Variants in CEP112 observed in about 807,000 individuals in gnomAD.
CEP112 encodes centrosomal protein of 112 kDa.
Under a neutral mutation model 153.0 loss-of-function variants are expected in CEP112, and 127 were observed. That is an observed-to-expected ratio of 0.83 (90% CI 0.72 to 0.96). The LOEUF (loss-of-function observed/expected upper bound fraction) is 0.96, where lower values mean the gene tolerates loss of function less well. Ranked by LOEUF, CEP112 falls within the 40% of genes least tolerant of loss-of-function variation. CEP112 has a pLI of 0.00. For synonymous variants in CEP112, 358 were observed against 374.4 expected (o/e 0.96, Z 0.51); for missense variants, 1,089 against 1,101.2 (o/e 0.99, Z 0.16).
At chr17:65,989,114 A>T (rs773586538) in intron 17 of CEP112, among the ~76,000 whole-genome samples, 1 of 151,796 alleles carries the variant, frequency 6.6e-6, no homozygotes, top group Non-Finnish European at 1.5e-5. Context: ...GGGCACCTGT[A>T]GTCCCAGCTA....
At chr17:66,081,785 C>A (rs775027872) in intron 8 of CEP112, among the ~76,000 whole-genome samples, 1 of 151,968 alleles carries the variant, frequency 6.6e-6, no homozygotes, top group Non-Finnish European at 1.5e-5. Context: ...CATGGTGGCA[C>A]GCATCTGTAG....
At chr17:66,187,201 C>T (rs1055560850) in intron 1 of CEP112, among the ~76,000 whole-genome samples, 2 of 152,034 alleles carry the variant, frequency 1.3e-5, no homozygotes, top group African/African-American at 4.8e-5. Context: ...TCAGTTTTCT[C>T]TACTTGAGTC....
intron 21 of CEP112, among the ~76,000 whole-genome samples, chr17:65,788,051 T>C (rs144115042): frequency 6.6e-6 from 1 of 152,334 alleles, no homozygotes; most frequent in African/African-American, 2.4e-5. Flanking sequence ...GCTCTAAGTT[T>C]TTGATTAATA....
intron 6 of CEP112, among the ~76,000 whole-genome samples, chr17:66,107,802 A>C (rs1598364702): frequency 6.6e-6 from 1 of 152,100 alleles, no homozygotes; most frequent in African/African-American, 2.4e-5. Context: ...TAATACTAAC[A>C]TTTATATGGA....
At chr17:65,714,725 T>C (rs1464138179) in intron 23 of CEP112, among the ~76,000 whole-genome samples, 1 of 152,144 alleles carries the variant, frequency 6.6e-6, no homozygotes. Flanking sequence ...GTCTGAAAAA[T>C]TAAGCAATCC....
intron 21 of CEP112, among the ~76,000 whole-genome samples, chr17:65,828,390 T>C (rs1264666883): frequency 1.3e-5 from 2 of 152,224 alleles, no homozygotes; most frequent in Non-Finnish European, 2.9e-5. Context: ...CCTCATCTTT[T>C]TCCTCTCTTC....
At chr17:66,105,317 T>C (rs1441711592) in intron 6 of CEP112, among the ~76,000 whole-genome samples, 1 of 151,922 alleles carries the variant, frequency 6.6e-6, no homozygotes, top group Middle Eastern at 3.2e-3. Flanking sequence ...AATTAAAACA[T>C]ACCACGTGAG....
intron 4 of CEP112, among the ~76,000 whole-genome samples, chr17:66,168,535 G>A (rs189653413): frequency 1.4e-3 from 204 of 148,300 alleles, no homozygotes; most frequent in Admixed American, 3.2e-3. Context: ...ATGTATATAT[G>A]TGTGTGTGTG....
At chr17:65,821,530 A>C (rs1397431291) in intron 21 of CEP112, among the ~76,000 whole-genome samples, 1 of 24,608 alleles carries the variant, frequency 4.1e-5, no homozygotes, top group African/African-American at 1.5e-4. Flanking sequence ...ATATATATAT[A>C]TATATATATA....
Position 66,022,347 on chromosome 17 carries a change from A to G in CEP112, c.1656+5154T>C, listed in dbSNP as rs2065030362. Among the ~76,000 whole-genome samples, 6 of 152,318 alleles carry G rather than the reference A, an allele frequency of 3.9e-5. No homozygotes were observed. The South Asian group carries it at 1.2e-3, about 32-fold the overall frequency. On this transcript the variant is annotated intron_variant, in intron 16 of 26. Transcript: ENST00000535342. ...TACCAGAAGTATGAAAAAGCAGGGT[A>G]GTATAGCACCCACAAAGGAACACAG...
intron 21 of CEP112, among the ~76,000 whole-genome samples, chr17:65,847,069 G>A (rs182202785): frequency 7.6e-4 from 116 of 152,242 alleles, no homozygotes; most frequent in East Asian, 5.8e-4. Context: ...TCTGAGGTTG[G>A]TGAATTCCAC....
intron 6 of CEP112, among the ~76,000 whole-genome samples, chr17:66,103,370 AAGG>A (rs2068646534): frequency 1.3e-5 from 2 of 152,264 alleles, no homozygotes; most frequent in Admixed American, 6.5e-5. Context: ...GAAAAGGAAA[AAGG>A]AGGAGGATAG....
intron 21 of CEP112, among the ~76,000 whole-genome samples, chr17:65,762,611 G>A (rs1195890410): frequency 6.6e-6 from 1 of 151,586 alleles, no homozygotes; most frequent in Non-Finnish European, 1.5e-5. Context: ...TTTACTGGTT[G>A]CCCTAGAGTT....
intron 20 of CEP112, among the ~76,000 whole-genome samples, chr17:65,872,031 C>T (rs1454878616): frequency 2.0e-5 from 3 of 152,032 alleles, no homozygotes; most frequent in Admixed American, 6.5e-5. Flanking sequence ...AATGAATTCA[C>T]CTGATATAAA....
At chr17:65,839,978 A>G (rs183063835) in intron 21 of CEP112, among the ~76,000 whole-genome samples, 2 of 152,274 alleles carry the variant, frequency 1.3e-5, no homozygotes, top group East Asian at 3.9e-4. Flanking sequence ...AAGTTTCTAC[A>G]CTGAAAACTT....
chr17:65,660,674 A>T (rs1286923284), intron 24 of CEP112, among the ~76,000 whole-genome samples: 6 of 151,842 alleles, frequency 4.0e-5, no homozygotes, highest in African/African-American at 1.5e-4. Flanking sequence ...CCTCCCAAGT[A>T]GCTGGGACTA....
chr17:65,642,798 G>T (rs2045216086), intron 24 of CEP112, among the ~76,000 whole-genome samples: 3 of 152,102 alleles, frequency 2.0e-5, no homozygotes, highest in South Asian at 2.1e-4. Context: ...TTTATTGAGG[G>T]TTCATGGGTT....
At chr17:65,779,954 T>C (rs1040305161) in intron 21 of CEP112, among the ~76,000 whole-genome samples, 3 of 151,988 alleles carry the variant, frequency 2.0e-5, no homozygotes, top group Non-Finnish European at 2.9e-5. Flanking sequence ...ACCTACTGAG[T>C]TTCTCATTAA....
intron 17 of CEP112, among the ~76,000 whole-genome samples, chr17:65,991,208 G>A (rs916830861): frequency 2.6e-5 from 4 of 152,112 alleles, no homozygotes; most frequent in Admixed American, 2.6e-4. Flanking sequence ...GCAATTTCTG[G>A]TTACTTTTAA....
Sources: gnomAD v4.1 joint callset for allele counts (sites outside exome capture counted in the v4.1 genomes callset) on GRCh38, gnomAD v4.1.1 for gene constraint, MANE v1.5 for transcripts, NCBI Gene and HGNC (gene_info 2026-07-23, HGNC 2026-07-21) for gene names.